CCDC175: variants seen among roughly 807,000 people sequenced by gnomAD.
CCDC175 encodes the protein coiled-coil domain-containing protein 175.
A neutral mutation model predicts 114.6 loss-of-function variants in CCDC175; 100 were observed. The observed-to-expected ratio is 0.87, with a 90% CI of 0.74 to 1.03. The LOEUF (loss-of-function observed/expected upper bound fraction) is 1.03, where lower values mean the gene tolerates loss of function less well. Among genes scored for constraint, CCDC175 ranks in the 50% least tolerant of loss-of-function variants. The pLI is 0.00. For missense variants in CCDC175, 880 were observed against 917.8 expected, an observed-to-expected ratio of 0.96 and a Z score of 0.53; for synonymous variants, 306 against 308.7, an observed-to-expected ratio of 0.99 and a Z score of 0.09.
intron 19 of CCDC175, among the ~76,000 whole-genome samples, chr14:59,506,809 CAG>C (rs1282059230): frequency 3.3e-5 from 5 of 152,116 alleles, no homozygotes; most frequent in African/African-American, 4.8e-5. Context: ...ATCACAATAA[CAG>C]AGATAACTTT....
intron 8 of CCDC175, among the ~76,000 whole-genome samples, chr14:59,549,930 T>C (rs1461906522): frequency 6.6e-6 from 1 of 151,940 alleles, no homozygotes; most frequent in Non-Finnish European, 1.5e-5. Flanking sequence ...TTCTCTTTTT[T>C]AGAGGGACTC....
intron 17 of CCDC175, among the ~76,000 whole-genome samples, chr14:59,512,857 G>C (rs1892834036): frequency 1.3e-5 from 2 of 149,604 alleles, no homozygotes; most frequent in African/African-American, 4.9e-5. Context: ...TAGATTAGGT[G>C]ATTCTAAAAT....
At chr14:59,546,461 AAAAAAT>A (rs1895117004) in intron 8 of CCDC175, among the ~76,000 whole-genome samples, 1 of 152,166 alleles carries the variant, frequency 6.6e-6, no homozygotes, top group Admixed American at 6.5e-5. Context: ...CTTGAATCTA[AAAAAAT>A]AAAAATAAAA....
intron 7 of CCDC175, among the ~76,000 whole-genome samples, chr14:59,558,261 T>C (rs1295889105): frequency 6.6e-6 from 1 of 152,144 alleles, no homozygotes; most frequent in Non-Finnish European, 1.5e-5. Context: ...TCAGATTTTA[T>C]TCTGAAGGGA....
At chr14:59,575,174 T>G (rs2140139422) in intron 1 of CCDC175, 146 bp from the exon 2 acceptor site, 1 of 498,142 alleles carries the variant, frequency 2.0e-6, no homozygotes, top group Admixed American at 3.5e-5. Context: ...TAATCTCTTT[T>G]GTACTTATTT....
At chr14:59,545,372 CAA>C in intron 8 of CCDC175, 73 bp from the exon 9 acceptor site, 1 of 1,388,400 alleles carries the variant, frequency 7.2e-7, no homozygotes, top group Non-Finnish European at 9.7e-7. Flanking sequence ...CATCAGGTGG[CAA>C]CTCGGAGAGC....
At chr14:59,527,231 CA>C in intron 14 of CCDC175, 57 bp from the exon 15 acceptor site, 1 of 893,708 alleles carries the variant, frequency 1.1e-6, no homozygotes. Flanking sequence ...AAATATTAAT[CA>C]AAGAAGTACC....
intron 17 of CCDC175, among the ~76,000 whole-genome samples, chr14:59,515,973 G>A (rs1303012343): frequency 6.6e-6 from 1 of 152,142 alleles, no homozygotes; most frequent in East Asian, 1.9e-4. Context: ...CTGTCTCTCA[G>A]AACACAGTGC....
chr14:59,559,243 A>C (rs1896096536), intron 7 of CCDC175, among the ~76,000 whole-genome samples: 1 of 152,164 alleles, frequency 6.6e-6, no homozygotes, highest in Non-Finnish European at 1.5e-5. Context: ...AAACCAGCTG[A>C]ATGCCAAAGA....
chr14:59,505,959 G>A (rs949079789), intron 19 of CCDC175, among the ~76,000 whole-genome samples: 3 of 152,086 alleles, frequency 2.0e-5, no homozygotes, highest in South Asian at 2.1e-4. Context: ...TTCAGTATCC[G>A]TAATCCTAAA....
chr14:59,556,172 A>G, intron 7 of CCDC175, among the ~76,000 whole-genome samples: 1 of 152,212 alleles, frequency 6.6e-6, no homozygotes, highest in African/African-American at 2.4e-5. Context: ...AAGCCAAAAG[A>G]ACAAAGCTGG....
intron 19 of CCDC175, among the ~76,000 whole-genome samples, chr14:59,507,077 GAAATA>G (rs1214639194): frequency 2.0e-5 from 3 of 152,124 alleles, no homozygotes; most frequent in African/African-American, 4.8e-5. Context: ...TGATTTACAA[GAAATA>G]AAATTAAGGC....
chr14:59,511,404 G>GTA (rs1361367840), intron 18 of CCDC175, among the ~76,000 whole-genome samples: 1 of 152,072 alleles, frequency 6.6e-6, no homozygotes, highest in Non-Finnish European at 1.5e-5. Context: ...ACATGAAGAG[G>GTA]TAAGGAGTCC....
intron 7 of CCDC175, among the ~76,000 whole-genome samples, chr14:59,556,554 A>C (rs1895913418): frequency 6.6e-6 from 1 of 152,236 alleles, no homozygotes; most frequent in Admixed American, 6.5e-5. Context: ...GGCATGGGCA[A>C]GGACTTCATG....
At chr14:59,574,786 C>A (rs1897016737) in intron 2 of CCDC175, among the ~76,000 whole-genome samples, 157 bp downstream of exon 2, 1 of 152,126 alleles carries the variant, frequency 6.6e-6, no homozygotes, top group South Asian at 2.1e-4. Flanking sequence ...AATAATTGTG[C>A]AAATCCTTAC....
chr14:59,526,817 A>G (rs561128155), intron 15 of CCDC175, among the ~76,000 whole-genome samples: 127 of 152,336 alleles, frequency 8.3e-4, no homozygotes, highest in Admixed American at 4.2e-3. Context: ...CCACAAGTAC[A>G]TGTTAGTTGG....
chr14:59,508,116 C>T (rs1034681019), intron 19 of CCDC175, among the ~76,000 whole-genome samples: 3 of 151,964 alleles, frequency 2.0e-5, no homozygotes. Flanking sequence ...TCACCCCCGA[C>T]CCCCCACACA....
At position 59,526,890 on chromosome 14, in the gene CCDC175, C is replaced by T. The variant is rs533150588; in HGVS notation, c.1842+205G>A. The stretch of plus-strand genomic sequence containing the variant: ...ACATAAGTATACATATATACACATA[C>T]ATACATAGCATATGTGTACAGGTGT... On this transcript the variant is annotated intron_variant, in intron 15 of 19. Transcript: ENST00000537690. 2.0e-5 allele frequency among the ~76,000 whole-genome samples: 3 copies of T among 152,256 alleles called. No homozygotes were observed. The South Asian group carries it at 6.2e-4, about 32-fold the overall frequency.
At chr14:59,569,167 ACT>A (rs1896718475) in intron 3 of CCDC175, among the ~76,000 whole-genome samples, 1 of 152,182 alleles carries the variant, frequency 6.6e-6, no homozygotes, top group African/African-American at 2.4e-5. Context: ...GTGCTGGACT[ACT>A]CATTTCTACA....
Sources: allele counts gnomAD v4.1 joint callset (sites outside exome capture counted in the v4.1 genomes callset), GRCh38; gene constraint gnomAD v4.1.1; transcripts MANE v1.5; gene names NCBI Gene and HGNC (gene_info 2026-07-23, HGNC 2026-07-21).